Variants in RAB3IP observed in about 807,000 individuals in gnomAD.
RAB3IP encodes the protein RAB3A interacting protein, also known as rab-3A-interacting protein.
In RAB3IP, 36 loss-of-function variants were observed where a neutral mutation model predicts 59.1. That is an observed-to-expected ratio of 0.61 (90% confidence interval 0.47 to 0.80). The LOEUF (loss-of-function observed/expected upper bound fraction) is 0.80. Among genes scored for constraint, RAB3IP ranks in the 30% least tolerant of loss-of-function variants. RAB3IP has a pLI of 0.00. For synonymous variants in RAB3IP, 207 were observed against 191.2 expected (o/e 1.08, Z -0.68); for missense variants, 511 against 536.0 (o/e 0.95, Z 0.46).
chr12:69,751,359 A>G (rs529274744), intron 1 of RAB3IP, among the ~76,000 whole-genome samples: 8 of 152,280 alleles, frequency 5.3e-5, no homozygotes, highest in African/African-American at 1.7e-4. Flanking sequence ...CCAGGCTGGA[A>G]TCAGCCATTT....
chr12:69,771,805 G>GTTATTTTTCATCATT (rs1873166767), intron 3 of RAB3IP, among the ~76,000 whole-genome samples: 1 of 152,056 alleles, frequency 6.6e-6, no homozygotes, highest in South Asian at 2.1e-4. Flanking sequence ...CTCAGTGTTT[G>GTTATTTTTCATCATT]TTATTTTTCA....
chr12:69,809,901 C>G (rs1157659947), intron 8 of RAB3IP, among the ~76,000 whole-genome samples: 2 of 152,224 alleles, frequency 1.3e-5, no homozygotes, highest in Non-Finnish European at 2.9e-5. Context: ...CTCAACTCGT[C>G]AAAGTCATTC....
Position 69,760,759 on chromosome 12 carries a change from A to G in RAB3IP, c.510+4096A>G, listed in dbSNP as rs78256691. Among the ~76,000 whole-genome samples, 492 of 152,240 alleles carry G rather than the reference A, an allele frequency of 3.2e-3. 4 individuals are homozygous for G. The highest frequency in any genetic ancestry group is 0.011 in the African/African-American group (441 of 41,530). On this transcript the variant is annotated intron_variant, in intron 3 of 10. Coordinates refer to ENST00000247833, the MANE Select transcript of RAB3IP (RefSeq NM_022456.5). ...TCAAGCATGTACATTGTTTCTCACA[A>G]GAAGTCTGCTGTTACCCTTACCTTT...
intron 3 of RAB3IP, chr12:69,779,304 GC>G (rs1458191737): frequency 3.5e-5 from 5 of 143,314 alleles, no homozygotes; most frequent in Non-Finnish European, 6.1e-5. Flanking sequence ...ACTGGCCTGC[GC>G]CCACTGTCTG....
At chr12:69,795,600 A>G (rs569406356) in intron 6 of RAB3IP, 1 of 577,370 alleles carries the variant, frequency 1.7e-6, no homozygotes, top group African/African-American at 1.9e-5. Flanking sequence ...GGAAACTGTC[A>G]TGTGTTGTCT....
intron 1 of RAB3IP, among the ~76,000 whole-genome samples, chr12:69,747,293 C>CGTGTGTGTGTGT (rs111438084): frequency 1.5e-5 from 2 of 137,706 alleles, no homozygotes; most frequent in African/African-American, 5.6e-5. Context: ...CTTGCCCTTT[C>CGTGTGTGTGTGT]GTGTGTGTGT....
At chr12:69,743,469 T>G (rs1271482770) in intron 1 of RAB3IP, among the ~76,000 whole-genome samples, 1 of 152,334 alleles carries the variant, frequency 6.6e-6, no homozygotes, top group East Asian at 1.9e-4. Context: ...TTTCCCCCAT[T>G]ACATTTTTTT....
intron 1 of RAB3IP, among the ~76,000 whole-genome samples, chr12:69,745,262 CTTT>C (rs1163171585): frequency 6.6e-6 from 1 of 151,964 alleles, no homozygotes; most frequent in Non-Finnish European, 1.5e-5. Flanking sequence ...AAACTTTGTT[CTTT>C]ATTTATTTTT....
intron 8 of RAB3IP, among the ~76,000 whole-genome samples, chr12:69,811,399 TAAAAA>T (rs1203242989): frequency 1.3e-5 from 2 of 151,972 alleles, no homozygotes; most frequent in East Asian, 1.9e-4. Context: ...ACTTACAAGT[TAAAAA>T]AAAGAAACAC....
Position 69,795,122 on chromosome 12 carries a change from A to G in RAB3IP, c.685-19A>G. 6.3e-7 allele frequency: 1 copy of G among 1,588,030 alleles called. No homozygotes were observed. On this transcript the variant is annotated intron_variant, in intron 5 of 10. Coordinates refer to ENST00000247833, the MANE Select transcript of RAB3IP (RefSeq NM_022456.5). ...TGAAACGTATTTAATGTATGTGACT[A>G]TGTTGATTTCTTTCCAAGATTGATG...
intron 3 of RAB3IP, among the ~76,000 whole-genome samples, chr12:69,764,194 A>T (rs1036619686): frequency 6.6e-6 from 1 of 152,066 alleles, no homozygotes; most frequent in African/African-American, 2.4e-5. Flanking sequence ...GGTGTTTCCT[A>T]GGTTTTTTTC....
intron 3 of RAB3IP, among the ~76,000 whole-genome samples, chr12:69,766,163 G>C (rs190680399): frequency 1.2e-4 from 18 of 152,276 alleles, no homozygotes; most frequent in African/African-American, 3.6e-4. Context: ...ATAGTATCTT[G>C]CAGTTCTCTA....
chr12:69,804,030 G>A (rs1467321232), intron 8 of RAB3IP, among the ~76,000 whole-genome samples: 1 of 152,052 alleles, frequency 6.6e-6, no homozygotes, highest in Non-Finnish European at 1.5e-5. Flanking sequence ...GGGATGGCTG[G>A]GTCAAATGGT....
chr12:69,738,845 G>C (rs1327916422), upstream of RAB3IP: 2 of 148,266 alleles, frequency 1.3e-5, no homozygotes, highest in Admixed American at 1.3e-4. Flanking sequence ...CCCGGCCCCC[G>C]GCCCCGCTTC....
chr12:69,806,485 G>A (rs148651057), intron 8 of RAB3IP, among the ~76,000 whole-genome samples: 1,757 of 149,204 alleles, frequency 0.012, 27 homozygotes, highest in African/African-American at 0.041. Context: ...GGTTTTTTGC[G>A]TCTCTATTTC....
chr12:69,749,383 G>A (rs576540114), intron 1 of RAB3IP, among the ~76,000 whole-genome samples: 8 of 152,284 alleles, frequency 5.3e-5, no homozygotes, highest in African/African-American at 1.9e-4. Flanking sequence ...TGGAAAAATT[G>A]TCTTCCACGA....
At chr12:69,815,260 AG>A (rs1245443581) in intron 10 of RAB3IP, 103 bp from the exon 11 acceptor site, 12 of 791,204 alleles carry the variant, frequency 1.5e-5, no homozygotes, top group Non-Finnish European at 2.5e-5. Context: ...GTACATCTTT[AG>A]GAAATGCACA....
intron 3 of RAB3IP, among the ~76,000 whole-genome samples, chr12:69,781,314 C>T (rs1383957174): frequency 6.6e-6 from 1 of 152,082 alleles, no homozygotes; most frequent in South Asian, 2.1e-4. Context: ...ACAGCATCCC[C>T]CCCGTTAGCA....
chr12:69,752,311 TAA>T (rs1048230588), intron 1 of RAB3IP, among the ~76,000 whole-genome samples: 2 of 147,016 alleles, frequency 1.4e-5, no homozygotes, highest in East Asian at 4.0e-4. Flanking sequence ...GCCTTTCCAT[TAA>T]AAAAAAATTA....
Sources: allele counts gnomAD v4.1 joint callset (sites outside exome capture counted in the v4.1 genomes callset), GRCh38; gene constraint gnomAD v4.1.1; transcripts MANE v1.5; gene names NCBI Gene and HGNC (gene_info 2026-07-23, HGNC 2026-07-21).